The following PTPRD variants were observed in gnomAD, a reference collection of about 807,000 sequenced individuals.
PTPRD encodes the protein receptor-type tyrosine-protein phosphatase delta.
Under a neutral mutation model 214.5 loss-of-function variants are expected in PTPRD, and 34 were observed. The observed-to-expected ratio is 0.16, with a 90% CI of 0.12 to 0.21. The LOEUF is 0.21. Ranked by LOEUF, PTPRD falls within the 10% of genes least tolerant of loss-of-function variation. PTPRD has a pLI of 1.00. For synonymous variants in PTPRD, 1,128 were observed against 845.7 expected, an observed-to-expected ratio of 1.33 and a Z score of -5.79; for missense variants, 2,545 against 2,398.7, an observed-to-expected ratio of 1.06 and a Z score of -1.27.
intron 2 of PTPRD, among the ~76,000 whole-genome samples, chr9:10,344,246 T>G (rs1266308859): frequency 6.6e-6 from 1 of 152,080 alleles, no homozygotes; most frequent in Non-Finnish European, 1.5e-5. Flanking sequence ...TTTCTACATA[T>G]GGCTAGCCAG....
At chr9:9,007,842 G>C (rs1388440328) in intron 11 of PTPRD, among the ~76,000 whole-genome samples, 2 of 103,310 alleles carry the variant, frequency 1.9e-5, no homozygotes, top group East Asian at 5.3e-4. Flanking sequence ...TTATTTGTCT[G>C]TTATACTTAA....
At chr9:9,914,772 A>C (rs868618631) in intron 5 of PTPRD, among the ~76,000 whole-genome samples, 1 of 152,160 alleles carries the variant, frequency 6.6e-6, no homozygotes. Context: ...GCTTGTGCTC[A>C]TATCTCAGGC....
intron 3 of PTPRD, among the ~76,000 whole-genome samples, chr9:10,273,123 G>T (rs1366401468): frequency 6.6e-6 from 1 of 152,266 alleles, no homozygotes; most frequent in Non-Finnish European, 1.5e-5. Flanking sequence ...ACCTTTTGCA[G>T]ATGATGTACC....
At chr9:8,718,399 T>A (rs78996106) in intron 12 of PTPRD, among the ~76,000 whole-genome samples, 1 of 152,270 alleles carries the variant, frequency 6.6e-6, no homozygotes, top group African/African-American at 2.4e-5. Flanking sequence ...ATCACAACAA[T>A]TGAAATGAAA....
chr9:10,301,519 T>C (rs1283926171), intron 3 of PTPRD, among the ~76,000 whole-genome samples: 1 of 152,112 alleles, frequency 6.6e-6, no homozygotes, highest in Non-Finnish European at 1.5e-5. Flanking sequence ...CTAAGAACTT[T>C]GACAAAAGGT....
intron 8 of PTPRD, among the ~76,000 whole-genome samples, chr9:9,424,051 A>G (rs1261319692): frequency 1.3e-5 from 2 of 152,102 alleles, no homozygotes; most frequent in Non-Finnish European, 2.9e-5. Context: ...AGCCAAAGAT[A>G]TATATTTTGC....
At chr9:10,146,715 A>G (rs1344534833) in intron 3 of PTPRD, among the ~76,000 whole-genome samples, 31 of 152,228 alleles carry the variant, frequency 2.0e-4, no homozygotes, top group African/African-American at 2.4e-5. Context: ...CGAGCACTGT[A>G]CTTTGCTCCT....
chr9:10,023,580 G>T (rs1289278039), intron 4 of PTPRD, among the ~76,000 whole-genome samples: 1 of 150,408 alleles, frequency 6.6e-6, no homozygotes, highest in Non-Finnish European at 1.5e-5. Context: ...ACATGATCAT[G>T]ATCTCTCATG....
rs181987740 is a variant in PTPRD at position 8,444,671 on chromosome 9, C to T, written c.3988+5054G>A. ...AAATTAAAGAGTAACATAATGAACA[C>T]CTAAATGGTCACAATCTATATGCAA... On this transcript the variant is annotated intron_variant, in intron 34 of 45. Transcript: ENST00000381196. 7.7e-4 allele frequency among the ~76,000 whole-genome samples: 117 copies of T among 152,140 alleles called. 1 individual carries two copies. Among genetic ancestry groups the T allele is most frequent in the Admixed American group, 7.0e-3 (107 of 15,284 alleles).
chr9:9,357,727 T>A (rs75961176), intron 9 of PTPRD, among the ~76,000 whole-genome samples: 1 of 143,646 alleles, frequency 7.0e-6, no homozygotes, highest in Non-Finnish European at 1.5e-5. Flanking sequence ...AAAAAAAAAA[T>A]GACACAGTTA....
At chr9:8,331,097 C>T in intron 44 of PTPRD, among the ~76,000 whole-genome samples, 1 of 134,370 alleles carries the variant, frequency 7.4e-6, no homozygotes, top group Non-Finnish European at 1.5e-5. Flanking sequence ...TCTGATATAG[C>T]AACAATTTTC....
rs567775972 is a variant in PTPRD, at chr9:8,338,825, G to A, written c.5379+97C>T. 354 of 1,041,848 alleles carry A rather than the reference G, an allele frequency of 3.4e-4. 8 individuals are homozygous for A. The South Asian group carries it at 8.7e-3, about 26-fold the overall frequency. 64.5% of individuals were successfully genotyped at this position (1,041,848 alleles called of 1,614,324 possible). ...TGAATGATTTCTCTTTGGGACAACA[G>A]TCAAGTGGCAAGTGCTTCTCCCAGA... is the stretch of plus-strand genomic sequence containing the variant. On this transcript the variant is annotated intron_variant, in intron 43 of 45. Transcript: ENST00000381196.
intron 3 of PTPRD, among the ~76,000 whole-genome samples, chr9:10,259,463 A>C (rs1472738720): frequency 6.6e-6 from 1 of 152,072 alleles, no homozygotes; most frequent in Non-Finnish European, 1.5e-5. Flanking sequence ...AAAGGCCTCT[A>C]CTCCTATTCT....
At chr9:8,825,976 G>A (rs2097167409) in intron 11 of PTPRD, among the ~76,000 whole-genome samples, 1 of 152,058 alleles carries the variant, frequency 6.6e-6, no homozygotes, top group Non-Finnish European at 1.5e-5. Flanking sequence ...ATTTTGTACT[G>A]ACCTTTTATC....
intron 37 of PTPRD, among the ~76,000 whole-genome samples, chr9:8,377,596 C>T (rs2083631052): frequency 6.6e-6 from 1 of 151,944 alleles, no homozygotes; most frequent in Admixed American, 6.6e-5. Flanking sequence ...TTTACCCTTT[C>T]TATCTCAGAC....
chr9:9,533,702 A>G (rs2075962804), intron 8 of PTPRD, among the ~76,000 whole-genome samples: 2 of 152,002 alleles, frequency 1.3e-5, no homozygotes, highest in Admixed American at 1.3e-4. Flanking sequence ...ATCCACCTTA[A>G]TATTAATGAT....
Position 8,460,339 on chromosome 9 carries a change from G to A in PTPRD, c.3875+72C>T, listed in dbSNP as rs1164889282. Reference sequence around the variant, plus strand: ...TACTAAAATCAACCACCTAAGGACAGCAGAACAATGATCAAGTCTTCAAAA... The same window carrying A: ...TACTAAAATCAACCACCTAAGGACAACAGAACAATGATCAAGTCTTCAAAA... On this transcript the variant is annotated intron_variant, in intron 33 of 45. Transcript: ENST00000381196. 5.1e-6 allele frequency: 8 copies of A among 1,561,122 alleles called. No individual in the cohort carries two copies. In the African/African-American group the frequency reaches 1.1e-4, roughly 21 times the overall value.
chr9:10,226,832 A>G (rs932003211), intron 3 of PTPRD, among the ~76,000 whole-genome samples: 7 of 152,034 alleles, frequency 4.6e-5, no homozygotes, highest in African/African-American at 1.7e-4. Flanking sequence ...TTTTTCCACT[A>G]CGTCTAATTG....
intron 11 of PTPRD, among the ~76,000 whole-genome samples, chr9:8,741,153 T>A (rs7851825): frequency 0.073 from 11,136 of 152,200 alleles, 1,090 homozygotes; most frequent in African/African-American, 0.23. Flanking sequence ...TTTGATTGTT[T>A]CTTTCTCCTT....
Sources: allele counts gnomAD v4.1 joint callset (sites outside exome capture counted in the v4.1 genomes callset), GRCh38; gene constraint gnomAD v4.1.1; transcripts MANE v1.5; gene names NCBI Gene and HGNC (gene_info 2026-07-23, HGNC 2026-07-21).